The following CTNNA3 variants were observed in gnomAD, a reference collection of about 807,000 sequenced individuals.
CTNNA3 encodes catenin alpha-3.
Under a neutral mutation model 95.7 loss-of-function variants are expected in CTNNA3, and 76 were observed. The ratio of observed to expected loss-of-function variants is 0.79; its 90% CI spans 0.66 to 0.96. CTNNA3 has a LOEUF of 0.96. Ranked by LOEUF, CTNNA3 falls within the 40% of genes least tolerant of loss-of-function variation. The pLI is 0.00. For missense variants in CTNNA3, 1,191 were observed against 1,089.8 expected (o/e 1.09, Z -1.31); for synonymous variants, 431 against 374.4 (o/e 1.15, Z -1.74).
intron 9 of CTNNA3, among the ~76,000 whole-genome samples, chr10:66,632,720 A>G (rs1350715846): frequency 1.3e-5 from 2 of 152,062 alleles, no homozygotes; most frequent in Non-Finnish European, 1.5e-5. Context: ...AAAGGCTAGA[A>G]TATATTACTA....
intron 7 of CTNNA3, among the ~76,000 whole-genome samples, chr10:66,851,115 C>T (rs746825663): frequency 1.3e-5 from 2 of 152,136 alleles, no homozygotes; most frequent in African/African-American, 2.4e-5. Flanking sequence ...AAGATCCTTT[C>T]TGATTTCCTC....
intron 7 of CTNNA3, among the ~76,000 whole-genome samples, chr10:66,825,869 C>T (rs1204971387): frequency 6.6e-6 from 1 of 152,160 alleles, no homozygotes; most frequent in Non-Finnish European, 1.5e-5. Flanking sequence ...AGATTGAATT[C>T]AAGCTCCCCA....
intron 11 of CTNNA3, among the ~76,000 whole-genome samples, chr10:66,426,234 A>C (rs1010065033): frequency 6.6e-6 from 1 of 151,878 alleles, no homozygotes; most frequent in African/African-American, 2.4e-5. Context: ...TATGCTTTCT[A>C]TTGGGTGTAT....
At chr10:66,797,650 T>G (rs1035951256) in intron 7 of CTNNA3, among the ~76,000 whole-genome samples, 2 of 151,918 alleles carry the variant, frequency 1.3e-5, no homozygotes, top group Admixed American at 1.3e-4. Flanking sequence ...CACGTGATTT[T>G]GCTGTTTTTA....
At chr10:67,416,607 CAAAAAA>C (rs368513767) in intron 5 of CTNNA3, among the ~76,000 whole-genome samples, 8 of 38,346 alleles carry the variant, frequency 2.1e-4, no homozygotes, top group Middle Eastern at 0.014. Context: ...GACTCTGTCT[CAAAAAA>C]AAAAAAAAAA....
intron 13 of CTNNA3, among the ~76,000 whole-genome samples, chr10:66,147,251 A>C (rs1170026332): frequency 1.3e-5 from 2 of 152,110 alleles, no homozygotes; most frequent in African/African-American, 4.8e-5. Context: ...AGGGACAATC[A>C]TTCTATGAAA....
chr10:66,376,139 T>C (rs966196730), intron 12 of CTNNA3, among the ~76,000 whole-genome samples: 1 of 152,198 alleles, frequency 6.6e-6, no homozygotes, highest in African/African-American at 2.4e-5. Flanking sequence ...AAATGTCTTA[T>C]GTCCGTCCAC....
intron 11 of CTNNA3, among the ~76,000 whole-genome samples, chr10:66,495,642 GTGTTGT>G (rs139573189): frequency 2.4e-4 from 37 of 151,700 alleles, no homozygotes; most frequent in African/African-American, 8.9e-4. Context: ...TCATTTTGGG[GTGTTGT>G]TGTTGTTGTT....
intron 5 of CTNNA3, among the ~76,000 whole-genome samples, chr10:67,482,020 G>A (rs910831563): frequency 6.6e-6 from 1 of 151,970 alleles, no homozygotes; most frequent in Admixed American, 6.6e-5. Flanking sequence ...TTTCCCCATT[G>A]CTTGTTTTTC....
intron 5 of CTNNA3, among the ~76,000 whole-genome samples, chr10:67,275,251 A>C (rs1467416954): frequency 6.6e-6 from 1 of 152,186 alleles, no homozygotes; most frequent in Non-Finnish European, 1.5e-5. Flanking sequence ...TTGAGGCAGA[A>C]AGAGAATAAA....
intron 7 of CTNNA3, among the ~76,000 whole-genome samples, chr10:66,978,541 A>ATAAAATAAAAAAAAATAAAAT: frequency 9.0e-6 from 1 of 111,196 alleles, no homozygotes; most frequent in African/African-American, 3.3e-5. Context: ...AAAAAAAAAA[A>ATAAAATAAAAAAAAATAAAAT]AAAAAAAAAA....
At chr10:66,567,204 A>T (rs1033224772) in intron 10 of CTNNA3, among the ~76,000 whole-genome samples, 16 of 152,080 alleles carry the variant, frequency 1.1e-4, no homozygotes, top group Admixed American at 9.8e-4. Flanking sequence ...GAATCATATG[A>T]TTAGACTAAT....
intron 8 of CTNNA3, among the ~76,000 whole-genome samples, chr10:66,773,696 T>C (rs780743555): frequency 6.6e-6 from 1 of 152,150 alleles, no homozygotes; most frequent in African/African-American, 2.4e-5. Flanking sequence ...TGATAGAAAA[T>C]TGAAACAATG....
chr10:66,359,000 A>G (rs1274283516), intron 12 of CTNNA3, among the ~76,000 whole-genome samples: 2 of 152,174 alleles, frequency 1.3e-5, no homozygotes, highest in African/African-American at 2.4e-5. Flanking sequence ...TATATCCTCA[A>G]CCACAGTTAA....
At chr10:66,088,190 T>C (rs972251074) in intron 14 of CTNNA3, among the ~76,000 whole-genome samples, 6 of 152,160 alleles carry the variant, frequency 3.9e-5, no homozygotes, top group Non-Finnish European at 7.4e-5. Context: ...AATACCTTTA[T>C]TTTCATAAAA....
chr10:67,434,327 A>C (rs1846224012), intron 5 of CTNNA3, among the ~76,000 whole-genome samples: 1 of 151,978 alleles, frequency 6.6e-6, no homozygotes, highest in Non-Finnish European at 1.5e-5. Context: ...ATTAGTACTA[A>C]ATAGGATAAG....
At chr10:67,263,175 C>T (rs1216235805) in intron 5 of CTNNA3, among the ~76,000 whole-genome samples, 1 of 152,122 alleles carries the variant, frequency 6.6e-6, no homozygotes, top group African/African-American at 2.4e-5. Context: ...GGCCCTGGTA[C>T]CTTTCTTTTA....
chr10:67,458,607 G>A (rs543933337), intron 5 of CTNNA3, among the ~76,000 whole-genome samples: 8 of 152,164 alleles, frequency 5.3e-5, no homozygotes, highest in African/African-American at 1.4e-4. Context: ...GGCCAGGCAC[G>A]ATGGTTCATG....
At chr10:66,337,026 G>C (rs2092404877) in intron 12 of CTNNA3, among the ~76,000 whole-genome samples, 1 of 151,954 alleles carries the variant, frequency 6.6e-6, no homozygotes, top group South Asian at 2.1e-4. Flanking sequence ...TTTCTATTGA[G>C]CCAAATCATT....
Sources: gnomAD v4.1 joint callset for allele counts (sites outside exome capture counted in the v4.1 genomes callset) on GRCh38, gnomAD v4.1.1 for gene constraint, MANE v1.5 for transcripts, NCBI Gene and HGNC (gene_info 2026-07-23, HGNC 2026-07-21) for gene names.